RAD51B: variants seen among roughly 807,000 people sequenced by gnomAD.
RAD51B encodes the protein DNA repair protein RAD51 homolog 2.
Under a neutral mutation model 42.2 loss-of-function variants are expected in RAD51B, and 38 were observed. The observed-to-expected ratio is 0.90, with a 90% CI of 0.70 to 1.18. The LOEUF is 1.18. Ranked by LOEUF, RAD51B falls within the 50% of genes most tolerant of loss-of-function variation. The pLI is 0.00. For missense variants in RAD51B, 373 were observed against 400.7 expected (o/e 0.93, Z 0.59); for synonymous variants, 154 against 145.2 (o/e 1.06, Z -0.43).
intron 9 of RAD51B, among the ~76,000 whole-genome samples, chr14:68,420,464 A>G (rs28405320): frequency 0.29 from 44,245 of 152,002 alleles, 6,774 homozygotes; most frequent in African/African-American, 0.34. Flanking sequence ...CTAAACAAGA[A>G]GTGGATTATT....
intron 8 of RAD51B, among the ~76,000 whole-genome samples, chr14:68,318,337 G>A (rs1490579343): frequency 6.6e-6 from 1 of 152,108 alleles, no homozygotes; most frequent in Admixed American, 6.5e-5. Context: ...GCTAACCTTT[G>A]AAAGAGTAGT....
intron 8 of RAD51B, among the ~76,000 whole-genome samples, chr14:68,302,050 G>A (rs2081752074): frequency 6.6e-6 from 1 of 152,234 alleles, no homozygotes; most frequent in South Asian, 2.1e-4. Context: ...AGGGAACCAT[G>A]TGAGAAAGGA....
chr14:68,215,372 C>G (rs1440283924), intron 7 of RAD51B, among the ~76,000 whole-genome samples: 1 of 152,156 alleles, frequency 6.6e-6, no homozygotes, highest in Admixed American at 6.5e-5. Flanking sequence ...GGAAGCAAGA[C>G]AGATATTATT....
chr14:68,316,245 A>G (rs2082059475), intron 8 of RAD51B, among the ~76,000 whole-genome samples: 1 of 152,234 alleles, frequency 6.6e-6, no homozygotes, highest in Non-Finnish European at 1.5e-5. Context: ...GGAGTCTGAG[A>G]GTGTGTAATT....
chr14:68,481,055 C>CTTTGGT (rs2140262807), downstream of RAD51B, among the ~76,000 whole-genome samples: 1 of 152,306 alleles, frequency 6.6e-6, no homozygotes, highest in South Asian at 2.1e-4. Context: ...ATAAAAGGCT[C>CTTTGGT]TTTGGTTTTG....
chr14:67,863,875 TCA>T (rs1463083467), intron 4 of RAD51B, among the ~76,000 whole-genome samples: 1 of 152,152 alleles, frequency 6.6e-6, no homozygotes, highest in Non-Finnish European at 1.5e-5. Flanking sequence ...TGTAATCGAC[TCA>T]CAGTTCTGCA....
intron 7 of RAD51B, among the ~76,000 whole-genome samples, chr14:68,005,031 CTG>C (rs1387632190): frequency 2.9e-4 from 34 of 115,492 alleles, no homozygotes; most frequent in African/African-American, 6.7e-4. Flanking sequence ...TACCATTCTA[CTG>C]TGTGTGTGTG....
At chr14:67,907,314 G>T (rs1041994884) in intron 7 of RAD51B, among the ~76,000 whole-genome samples, 3 of 151,930 alleles carry the variant, frequency 2.0e-5, no homozygotes, top group African/African-American at 7.3e-5. Context: ...GTTTCTCTAG[G>T]TGTGATGTTA....
At chr14:68,062,923 C>A (rs760636856) in intron 7 of RAD51B, among the ~76,000 whole-genome samples, 1 of 150,670 alleles carries the variant, frequency 6.6e-6, no homozygotes, top group Non-Finnish European at 1.5e-5. Flanking sequence ...TTTTATTACT[C>A]GTCATTGGTC....
intron 7 of RAD51B, among the ~76,000 whole-genome samples, chr14:68,266,585 C>A (rs2080996451): frequency 6.6e-6 from 1 of 152,156 alleles, no homozygotes; most frequent in Non-Finnish European, 1.5e-5. Context: ...CTTGGTATGC[C>A]AGGGTGCCAT....
chr14:68,236,509 TG>T (rs1382051332), intron 7 of RAD51B: 3 of 152,364 alleles, frequency 2.0e-5, no homozygotes, highest in Non-Finnish European at 4.4e-5. Flanking sequence ...CTCTGGGAGC[TG>T]GGACTATAGG....
At chr14:68,265,065 A>G (rs1363981302) in intron 7 of RAD51B, among the ~76,000 whole-genome samples, 1 of 152,150 alleles carries the variant, frequency 6.6e-6, no homozygotes, top group African/African-American at 2.4e-5. Flanking sequence ...ATAATCTTAG[A>G]TTTTGGCTTC....
At position 68,343,331 on chromosome 14, in the gene RAD51B, G is replaced by C. The variant is rs572455690; in HGVS notation, c.853+51351G>C. Among the ~76,000 whole-genome samples the C allele has an allele frequency of 8.2e-4, 125 of 152,142 alleles. 1 individual carries two copies. The highest frequency in any genetic ancestry group is 1.2e-3 in the Non-Finnish European group (84 of 68,020). The stretch of plus-strand genomic sequence containing the variant: ...ATGCAGTTGTTTTCCTTGCGGTACA[G>C]GGGCTTTTTATTTTGATATAATCCC... On this transcript the variant is annotated intron_variant, in intron 8 of 10. Transcript: ENST00000471583.
chr14:68,377,934 T>C (rs2083404198), intron 8 of RAD51B, among the ~76,000 whole-genome samples: 1 of 152,238 alleles, frequency 6.6e-6, no homozygotes, highest in African/African-American at 2.4e-5. Flanking sequence ...TTTTAAATCA[T>C]AAAGACAATA....
intron 8 of RAD51B, among the ~76,000 whole-genome samples, chr14:68,369,411 A>G (rs2083206847): frequency 6.6e-6 from 1 of 152,194 alleles, no homozygotes; most frequent in Admixed American, 6.5e-5. Context: ...TGAGAAAATG[A>G]GAGCACTCAG....
chr14:67,865,732 G>C (rs934716134), intron 5 of RAD51B, among the ~76,000 whole-genome samples: 1 of 150,652 alleles, frequency 6.6e-6, no homozygotes, highest in African/African-American at 2.5e-5. Context: ...TAGAGACAGT[G>C]TTTCACCTTA....
At position 68,447,075 on chromosome 14, in the gene RAD51B, C is replaced by T. The variant is rs538332415; in HGVS notation, c.958-21097C>T. 3.1e-3 allele frequency among the ~76,000 whole-genome samples: 467 copies of T among 152,178 alleles called. 2 individuals carry two copies. Among genetic ancestry groups the T allele is most frequent in the Non-Finnish European group, 5.6e-3 (380 of 67,990 alleles). ...TCTCTACTAAAAATACAAAATTAGC[C>T]GGGCGTGGTGGCACATGCCTGTAAT... On this transcript the variant is annotated intron_variant, in intron 9 of 10. Coordinates refer to ENST00000471583, the MANE Select transcript of RAD51B (RefSeq NM_133510.4).
chr14:67,998,078 C>A (rs957776560), intron 7 of RAD51B, among the ~76,000 whole-genome samples: 2 of 152,096 alleles, frequency 1.3e-5, no homozygotes, highest in Non-Finnish European at 2.9e-5. Flanking sequence ...AAGTGTGGTA[C>A]CTGGACCAAC....
At chr14:68,173,067 T>A (rs2140861941) in intron 7 of RAD51B, among the ~76,000 whole-genome samples, 1 of 152,306 alleles carries the variant, frequency 6.6e-6, no homozygotes, top group Non-Finnish European at 1.5e-5. Context: ...GTTTGTAAAG[T>A]ATCATTTTTA....
Sources: gnomAD v4.1 joint callset for allele counts (sites outside exome capture counted in the v4.1 genomes callset) on GRCh38, gnomAD v4.1.1 for gene constraint, MANE v1.5 for transcripts, NCBI Gene and HGNC (gene_info 2026-07-23, HGNC 2026-07-21) for gene names.